Variants in RAF1 observed in about 807,000 individuals in gnomAD.
RAF1 encodes Raf-1 proto-oncogene, serine/threonine kinase, also known as RAF proto-oncogene serine/threonine-protein kinase.
A neutral mutation model predicts 81.1 loss-of-function variants in RAF1; 27 were observed. The observed-to-expected ratio is 0.33, with a 90% CI of 0.25 to 0.46. The LOEUF (loss-of-function observed/expected upper bound fraction) is 0.46, where lower values mean the gene tolerates loss of function less well. Ranked by LOEUF, RAF1 falls within the 20% of genes least tolerant of loss-of-function variation. The probability of loss-of-function intolerance (pLI) is 1.00; values close to 1 mark genes in which losing one functional copy is unlikely to be tolerated. For missense variants in RAF1, 598 were observed against 826.0 expected, an observed-to-expected ratio of 0.72 and a Z score of 3.38; for synonymous variants, 298 against 294.0, an observed-to-expected ratio of 1.01 and a Z score of -0.14.
At chr3:12,634,200 T>G (rs1163144032) in intron 1 of RAF1, among the ~76,000 whole-genome samples, 2 of 150,136 alleles carry the variant, frequency 1.3e-5, no homozygotes, top group East Asian at 3.9e-4. Context: ...CATGCTGGAG[T>G]GCAGTGGCAT....
At chr3:12,616,984 G>C (rs2059387488) in intron 2 of RAF1, among the ~76,000 whole-genome samples, 1 of 152,078 alleles carries the variant, frequency 6.6e-6, no homozygotes, top group Non-Finnish European at 1.5e-5. Flanking sequence ...ACCCAGGCTG[G>C]GGTGAAGTGG....
At position 12,618,633 on chromosome 3, in the gene RAF1, G is replaced by T. The variant is rs1179404518; in HGVS notation, c.89C>A (p.Pro30His). The T allele has an allele frequency of 6.2e-7, 1 of 1,614,168 alleles. No individual in the cohort carries two copies. Among genetic ancestry groups the T allele is most frequent in the African/African-American group, 1.3e-5 (1 of 75,026 alleles). The change falls in exon 2 of 18, where the codon CCT becomes CAT. Residue 30 changes from proline (P) to histidine (H), a missense_variant. Around this residue, in one of 5 missense-constraint regions of RAF1, gnomAD observed 83 missense variants for 72.3 expected, o/e 1.15. Transcript: ENST00000442415. Reference sequence around the variant, plus strand: ...ATAGCCAAACTGCTGAACTATTGTAGGAGAGATGCAGCTGGAGCCATCAAA... The same window carrying T: ...ATAGCCAAACTGCTGAACTATTGTATGAGAGATGCAGCTGGAGCCATCAAA...
At position 12,634,557 on chromosome 3, in the gene RAF1, G is replaced by A. The variant is rs573386919; in HGVS notation, c.-26-15810C>T. Among the ~76,000 whole-genome samples, 9 of 152,288 alleles carry A rather than the reference G, an allele frequency of 5.9e-5. No homozygotes were observed. The South Asian group carries it at 1.9e-3, about 32-fold the overall frequency. ...AGGAAAGAAGCGAAGGAAATCTCCA[G>A]AAGGCCAATGGAGGGAAATCCCTGG... On this transcript the variant is annotated intron_variant, in intron 1 of 17. Transcript: ENST00000442415.
At chr3:12,598,725 C>CAAAAAAAAAAA (rs59472802) in intron 11 of RAF1, among the ~76,000 whole-genome samples, 760 of 61,940 alleles carry the variant, frequency 0.012, 24 homozygotes, top group Non-Finnish European at 0.019. Flanking sequence ...GAATCTATCT[C>CAAAAAAAAAAA]AAAAAAAAAA....
At chr3:12,642,664 C>T (rs973889571) in intron 1 of RAF1, among the ~76,000 whole-genome samples, 2 of 139,890 alleles carry the variant, frequency 1.4e-5, no homozygotes, top group African/African-American at 5.4e-5. Flanking sequence ...CAGGGAGACA[C>T]CATCTCTACA....
intron 4 of RAF1, 102 bp downstream of exon 4, chr3:12,609,131 T>A (rs2125418737): frequency 9.2e-7 from 1 of 1,085,020 alleles, no homozygotes. Context: ...CTTTAAACAA[T>A]CCAACTATAT....
intron 5 of RAF1, among the ~76,000 whole-genome samples, chr3:12,607,735 G>T (rs964622067): frequency 6.6e-6 from 1 of 151,496 alleles, no homozygotes; most frequent in Non-Finnish European, 1.5e-5. Context: ...GGCAGATCAT[G>T]AGGTCAAGAG....
chr3:12,586,018 G>C, intron 14 of RAF1: 1 of 531,990 alleles, frequency 1.9e-6, no homozygotes, highest in Non-Finnish European at 3.4e-6. Flanking sequence ...AGATTATTTG[G>C]CCCTAGCCAA....
chr3:12,622,726 G>C (rs147252176), intron 1 of RAF1, among the ~76,000 whole-genome samples: 4 of 152,220 alleles, frequency 2.6e-5, no homozygotes, highest in African/African-American at 9.6e-5. Flanking sequence ...TCAGTATCTG[G>C]AATACAAAGG....
rs2058241450 is a variant in RAF1, at chr3:12,584,218, C to T, written c.*296G>A. Reference sequence around the variant, plus strand: ...GCCAACAGCTGGGGCTGGGCCCCTGCTTTTTGTACTACCATCAACATCCAC... The same window carrying T: ...GCCAACAGCTGGGGCTGGGCCCCTGTTTTTTGTACTACCATCAACATCCAC... On this transcript the variant is annotated 3_prime_UTR_variant, in exon 18 of 18. Coordinates refer to ENST00000442415, the MANE Select transcript of RAF1 (RefSeq NM_001354689.3). 1 of 467,302 alleles carries T rather than the reference C, an allele frequency of 2.1e-6. No individual in the cohort carries two copies. Among genetic ancestry groups the T allele is most frequent in the Non-Finnish European group, 3.9e-6 (1 of 253,334 alleles). 28.9% of individuals were successfully genotyped at this position (467,302 alleles called of 1,614,324 possible).
At position 12,664,066 on chromosome 3, in the gene RAF1, C is replaced by T. The variant is rs934625437; in HGVS notation, c.-280G>A. ...CAGAAAGCCGTTCCCGCCTCACAAT[C>T]GTTTTCCTCTTACTCCCGCCATCTA... is the stretch of plus-strand genomic sequence containing the variant. On this transcript the variant is annotated 5_prime_UTR_variant, in exon 1 of 18. Transcript: ENST00000442415. 1.0e-5 allele frequency: 4 copies of T among 398,340 alleles called. No individual in the cohort carries two copies. The highest frequency in any genetic ancestry group is 2.1e-5 in the African/African-American group (1 of 48,616). 24.7% of individuals were successfully genotyped at this position (398,340 alleles called of 1,614,324 possible).
intron 13 of RAF1, chr3:12,588,466 G>C (rs2442807): frequency 0.42 from 63,955 of 152,040 alleles, 14,080 homozygotes; most frequent in African/African-American, 0.5. Flanking sequence ...ATGGTATAAC[G>C]TGTTGCACTT....
intron 1 of RAF1, among the ~76,000 whole-genome samples, chr3:12,626,939 G>A (rs565398662): frequency 1.1e-4 from 16 of 148,850 alleles, no homozygotes; most frequent in East Asian, 3.9e-4. Flanking sequence ...CAGGAGAATC[G>A]CTTGAACCCA....
chr3:12,628,015 G>A (rs2059755338), intron 1 of RAF1, among the ~76,000 whole-genome samples: 1 of 152,248 alleles, frequency 6.6e-6, no homozygotes, highest in Non-Finnish European at 1.5e-5. Flanking sequence ...AGCTACTCGG[G>A]AGGCTGAGGC....
intron 1 of RAF1, among the ~76,000 whole-genome samples, chr3:12,648,158 ACTG>A (rs763540122): frequency 2.0e-5 from 3 of 152,298 alleles, no homozygotes; most frequent in Non-Finnish European, 2.9e-5. Flanking sequence ...CTAGTCAGCA[ACTG>A]CTGATTTTTA....
intron 1 of RAF1, among the ~76,000 whole-genome samples, chr3:12,629,259 C>A (rs1173738492): frequency 1.3e-5 from 2 of 152,052 alleles, no homozygotes; most frequent in Non-Finnish European, 2.9e-5. Context: ...AAGCAAGTGT[C>A]CATGAAAAAA....
At chr3:12,651,476 C>CA (rs1479467580) in intron 1 of RAF1, among the ~76,000 whole-genome samples, 2 of 148,928 alleles carry the variant, frequency 1.3e-5, no homozygotes, top group East Asian at 2.0e-4. Flanking sequence ...TCTACTAATA[C>CA]AAAAAAAATT....
chr3:12,600,210 G>A lies in RAF1; in HGVS notation c.992C>T (p.Pro331Leu), dbSNP rs2058817535. 1.2e-6 allele frequency: 2 copies of A among 1,614,194 alleles called. No homozygotes were observed. The highest frequency in any genetic ancestry group is 1.7e-6 in the Non-Finnish European group (2 of 1,180,046). ...TGCCCGCTCTCTTTGTGCTGGCACGGGGGTTTTCGGCTGTGACCAGCCTGT... is the reference window on the plus strand; with the variant it reads ...TGCCCGCTCTCTTTGTGCTGGCACGAGGGTTTTCGGCTGTGACCAGCCTGT... The change falls in exon 10 of 18, where the codon CCC becomes CTC. Residue 331 changes from proline (P) to leucine (L), a missense_variant. Coordinates refer to ENST00000442415, the MANE Select transcript of RAF1 (RefSeq NM_001354689.3).
At chr3:12,634,310 CTAAT>C (rs1184463675) in intron 1 of RAF1, among the ~76,000 whole-genome samples, 1 of 151,166 alleles carries the variant, frequency 6.6e-6, no homozygotes, top group Non-Finnish European at 1.5e-5. Context: ...CCACGCCTGG[CTAAT>C]TTTTTTTTTT....
Sources: gnomAD v4.1 joint callset for allele counts (sites outside exome capture counted in the v4.1 genomes callset) on GRCh38, gnomAD v4.1.1 for gene constraint, gnomAD v4.1.1 regional missense constraint, MANE v1.5 for transcripts, NCBI Gene and HGNC (gene_info 2026-07-23, HGNC 2026-07-21) for gene names.